Variants in TPO observed in about 807,000 individuals in gnomAD.
TPO encodes the protein thyroid microsomal antigen.
A neutral mutation model predicts 96.9 loss-of-function variants in TPO; 78 were observed. The observed-to-expected ratio is 0.81, with a 90% CI of 0.67 to 0.97. The LOEUF is 0.97. Among genes scored for constraint, TPO ranks in the 50% least tolerant of loss-of-function variants. TPO has a pLI of 0.00. For missense variants in TPO, 1,252 were observed against 1,274.8 expected, an observed-to-expected ratio of 0.98 and a Z score of 0.27; for synonymous variants, 547 against 538.0, an observed-to-expected ratio of 1.02 and a Z score of -0.23.
At chr2:1,406,104 G>A (rs540253192) in intron 1 of TPO, among the ~76,000 whole-genome samples, 8 of 152,308 alleles carry the variant, frequency 5.3e-5, no homozygotes, top group South Asian at 4.1e-4. Context: ...CAACAGGAAC[G>A]CACATTGCAT....
chr2:1,445,896 G>A (rs1254689775), intron 5 of TPO, among the ~76,000 whole-genome samples: 1 of 145,442 alleles, frequency 6.9e-6, no homozygotes, highest in African/African-American at 2.6e-5. Flanking sequence ...GGAAGGGAAT[G>A]GGGCAGGCTC....
intron 15 of TPO, among the ~76,000 whole-genome samples, chr2:1,527,072 T>A (rs1676728996): frequency 1.0e-5 from 1 of 98,030 alleles, no homozygotes. Flanking sequence ...ATCCCCTCAC[T>A]GTGTGCCACC....
At chr2:1,518,863 C>A (rs544483629) in intron 15 of TPO, among the ~76,000 whole-genome samples, 12 of 152,314 alleles carry the variant, frequency 7.9e-5, no homozygotes, top group Admixed American at 7.8e-4. Context: ...TATATCCTGA[C>A]CTTTAGGACC....
chr2:1,397,368 G>C (rs1396161932), intron 1 of TPO, among the ~76,000 whole-genome samples: 1 of 152,174 alleles, frequency 6.6e-6, no homozygotes, highest in Non-Finnish European at 1.5e-5. Context: ...ACTTCCATAG[G>C]TATGTGAGGA....
chr2:1,477,145 G>C lies in TPO; in HGVS notation c.879G>C (p.Ser293=). 1 of 1,609,928 alleles carries C rather than the reference G, an allele frequency of 6.2e-7. No homozygotes were observed. The highest frequency in any genetic ancestry group is 1.7e-4 in the Middle Eastern group (1 of 6,060). ...CCTGTCTGCCCTTCTACCGCTCTTC[G>C]GCCGCCTGCGGCACCGGGGACCAAG... ...GTACLPFYRS[S]AACGTGDQGA... is the part of the protein sequence containing the mutation. Residue 293 remains serine, a synonymous_variant, in exon 8 of 17, where the codon TCG becomes TCC. Transcript: ENST00000329066.
In TPO at chr2:1,489,460, C is replaced by G. The variant is rs556737933; in HGVS notation, c.1768+1469C>G. On this transcript the variant is annotated intron_variant, in intron 10 of 16. Transcript: ENST00000329066. ...GTGGGGGACCCCCTCCCGGCTCTCA[C>G]AACCCCCACCTTCCTCTGCTTCACT... is the stretch of plus-strand genomic sequence containing the variant. Among the ~76,000 whole-genome samples, 59 of 152,364 alleles carry G rather than the reference C, an allele frequency of 3.9e-4. 1 individual carries two copies. Among genetic ancestry groups the G allele is most frequent in the Non-Finnish European group, 6.8e-4 (46 of 68,038 alleles).
chr2:1,493,375 G>A (rs945139283), intron 10 of TPO, among the ~76,000 whole-genome samples: 8 of 152,170 alleles, frequency 5.3e-5, no homozygotes, highest in Non-Finnish European at 8.8e-5. Flanking sequence ...CATTCTTGCT[G>A]TCTCCAGCTC....
At chr2:1,443,216 G>A (rs1450202261) in intron 5 of TPO, among the ~76,000 whole-genome samples, 19 of 152,126 alleles carry the variant, frequency 1.2e-4, no homozygotes, top group East Asian at 1.9e-4. Context: ...AGGAGGTACC[G>A]TGTTTGAAGG....
At chr2:1,528,955 T>TCCTCCTAAAATCCCCCCACTGTGAGTAA (rs1238338546) in intron 15 of TPO, among the ~76,000 whole-genome samples, 1 of 95,928 alleles carries the variant, frequency 1.0e-5, no homozygotes, top group Non-Finnish European at 1.9e-5. Context: ...AGTGTGCGCA[T>TCCTCCTAAAATCCCCCCACTGTGAGTAA]CCTCCTAAAA....
rs1459618909 is a variant in TPO at position 1,406,087 on chromosome 2, T to C, written n.180+31685T>C. 5.9e-5 allele frequency among the ~76,000 whole-genome samples: 9 copies of C among 152,378 alleles called. No individual in the cohort carries two copies. In the South Asian group the frequency reaches 1.9e-3, roughly 32 times the overall value. ...GGTTCACCCTACTGTAACCTGTGTC[T>C]CTAATTCAACAGGAACGCACATTGC... On this transcript the variant is annotated intron_variant and non_coding_transcript_variant, in intron 1 of 5. Transcript: ENST00000497517.
Position 1,484,703 on chromosome 2 carries a change from C to A in TPO, c.1446C>A (p.Ser482=). ...ACTCCACCGCCAACCCCACTGTGTC[C>A]AACGTGTTCTCCACAGCCGCCTTCC... The part of the protein sequence containing the change: ...GYDSTANPTV[S]NVFSTAAFRF... Residue 482 remains serine (S), a synonymous_variant, in exon 9 of 17, where the codon TCC becomes TCA. Coordinates refer to ENST00000329066, the MANE Select transcript of TPO (RefSeq NM_001206744.2). 1 of 1,614,170 alleles carries A rather than the reference C, an allele frequency of 6.2e-7. No individual in the cohort carries two copies. Among genetic ancestry groups the A allele is most frequent in the South Asian group, 1.1e-5 (1 of 91,076 alleles).
intron 15 of TPO, among the ~76,000 whole-genome samples, chr2:1,520,170 G>A (rs1231947189): frequency 1.3e-5 from 2 of 152,140 alleles, no homozygotes; most frequent in African/African-American, 4.8e-5. Context: ...CCTGTGATTA[G>A]GTGAGCTCAG....
chr2:1,528,946 G>T (rs1038672234), intron 15 of TPO, among the ~76,000 whole-genome samples: 1 of 93,182 alleles, frequency 1.1e-5, no homozygotes, highest in Non-Finnish European at 2.0e-5. Context: ...AATCCTCCCA[G>T]TGTGCGCATC....
At chr2:1,542,100 C>T (rs950253350) in intron 16 of TPO, 21 of 451,752 alleles carry the variant, frequency 4.6e-5, no homozygotes, top group African/African-American at 3.1e-4. Flanking sequence ...CAAGGCCAGG[C>T]GTTCTGTTCA....
intron 1 of TPO, among the ~76,000 whole-genome samples, chr2:1,379,966 T>C (rs1010302214): frequency 1.7e-4 from 26 of 152,320 alleles, no homozygotes; most frequent in African/African-American, 6.0e-4. Context: ...AGTTTGGTGA[T>C]AAATGGCATT....
At chr2:1,535,719 C>T (rs1370648258) in intron 15 of TPO, among the ~76,000 whole-genome samples, 1 of 94,606 alleles carries the variant, frequency 1.1e-5, no homozygotes, top group Non-Finnish European at 2.2e-5. Context: ...TCCCGAAATC[C>T]ACCCAGTGTG....
At chr2:1,437,692 A>G (rs1665719128) in intron 5 of TPO, among the ~76,000 whole-genome samples, 2 of 152,234 alleles carry the variant, frequency 1.3e-5, no homozygotes, top group South Asian at 4.1e-4. Context: ...TTAAGCCCAC[A>G]GCAGGAATGC....
At chr2:1,422,504 A>C (rs28909369) in intron 2 of TPO, among the ~76,000 whole-genome samples, 183 of 152,162 alleles carry the variant, frequency 1.2e-3, no homozygotes, top group African/African-American at 4.2e-3. Context: ...TGAATTTAGT[A>C]ACAGGACTGA....
In TPO at chr2:1,493,796, G is replaced by C. The variant is rs1308440890; in HGVS notation, c.1769-6G>C. ...AGAGAAACCCTGCAGCCTCTCCCCTGTGCAGGTTACAATGAGTGGAGGGAG... is the reference window on the plus strand; with the variant it reads ...AGAGAAACCCTGCAGCCTCTCCCCTCTGCAGGTTACAATGAGTGGAGGGAG... On this transcript the variant is annotated splice_region_variant and splice_polypyrimidine_tract_variant and intron_variant, in intron 10 of 16. Coordinates refer to ENST00000329066, the MANE Select transcript of TPO (RefSeq NM_001206744.2). 1.2e-6 allele frequency: 2 copies of C among 1,613,832 alleles called. No homozygotes were observed. The highest frequency in any genetic ancestry group is 1.7e-5 in the Admixed American group (1 of 59,994).
Sources: allele counts gnomAD v4.1 joint callset (sites outside exome capture counted in the v4.1 genomes callset), GRCh38; gene constraint gnomAD v4.1.1; transcripts MANE v1.5; gene names NCBI Gene and HGNC (gene_info 2026-07-23, HGNC 2026-07-21).